Variants in TUSC3 observed in about 807,000 individuals in gnomAD.
The protein encoded by TUSC3 is dolichyl-diphosphooligosaccharide--protein glycosyltransferase subunit TUSC3.
Under a neutral mutation model 44.8 loss-of-function variants are expected in TUSC3, and 45 were observed. That is an observed-to-expected ratio of 1.00 (90% CI 0.79 to 1.29). The LOEUF is 1.29. TUSC3 is among the 50% of genes most tolerant of loss of function. The pLI, the probability that TUSC3 is intolerant of heterozygous loss-of-function variation, is 0.00. For missense variants in TUSC3, 519 were observed against 437.9 expected (o/e 1.19, Z -1.65); for synonymous variants, 212 against 152.9 (o/e 1.39, Z -2.85).
Position 15,540,391 on chromosome 8 carries a change from G to T in TUSC3, c.-40G>T, listed in dbSNP as rs997478706. 2.0e-6 allele frequency: 3 copies of T among 1,517,800 alleles called. No homozygotes were observed. In the African/African-American group the frequency reaches 4.3e-5, roughly 22 times the overall value. The allele number at this position is 1,517,800 out of a possible 1,614,324, so 94.0% of individuals were successfully genotyped here. ...GTGGTGCGCGGTAGGAGCTGGGCGC[G>T]CACGGCTACCGCGCGTGGAGGAGAC... On this transcript the variant is annotated 5_prime_UTR_variant, in exon 1 of 11. Transcript: ENST00000503731.
At chr8:15,638,528 T>C (rs1162430506) in intron 2 of TUSC3, among the ~76,000 whole-genome samples, 5 of 133,162 alleles carry the variant, frequency 3.8e-5, no homozygotes, top group South Asian at 2.5e-4. Flanking sequence ...TTTTTTTTTT[T>C]TTTTTTTTTT....
At chr8:15,575,535 G>C (rs1348330463) in intron 1 of TUSC3, among the ~76,000 whole-genome samples, 3 of 152,156 alleles carry the variant, frequency 2.0e-5, no homozygotes, top group Non-Finnish European at 2.9e-5. Flanking sequence ...GGAGGCCGAG[G>C]TTAGGCAGAT....
At position 15,457,911 on chromosome 8, in the gene TUSC3, TGAA is replaced by T. The variant is rs766836304; in HGVS notation, n.92-25474_92-25472del. On this transcript the variant is annotated intron_variant and non_coding_transcript_variant, in intron 1 of 5. Coordinates refer to the TUSC3 transcript ENST00000503191. ...ATTAATTAATTAGATAATTACTAATTGAATAATAATTAGTACTCCAATGATGAA... is the reference window on the plus strand; with the variant it reads ...ATTAATTAATTAGATAATTACTAATTTAATAATTAGTACTCCAATGATGAA... Among the ~76,000 whole-genome samples, 13 of 150,028 alleles carry T rather than the reference TGAA, an allele frequency of 8.7e-5. No homozygotes were observed. The South Asian group carries it at 2.5e-3, about 29-fold the overall frequency.
chr8:15,755,649 G>A (rs1585307952), intron 9 of TUSC3, among the ~76,000 whole-genome samples: 1 of 151,732 alleles, frequency 6.6e-6, no homozygotes, highest in Non-Finnish European at 1.5e-5. Context: ...AAGACATTGA[G>A]GGCTAAAAGG....
chr8:15,502,817 T>A (rs1554507708), intron 2 of TUSC3, among the ~76,000 whole-genome samples: 2 of 152,228 alleles, frequency 1.3e-5, no homozygotes, highest in Non-Finnish European at 2.9e-5. Context: ...TTTATCAATC[T>A]TTTCTTTATC....
At chr8:15,438,793 A>G (rs1006055581) in intron 1 of TUSC3, among the ~76,000 whole-genome samples, 1 of 152,194 alleles carries the variant, frequency 6.6e-6, no homozygotes, top group African/African-American at 2.4e-5. Flanking sequence ...TGACAATCCT[A>G]GGAGCTAGGC....
intron 6 of TUSC3, among the ~76,000 whole-genome samples, chr8:15,727,060 G>A (rs115409323): frequency 0.01 from 1,584 of 152,158 alleles, 23 homozygotes; most frequent in African/African-American, 0.037. Flanking sequence ...AAATATCAGA[G>A]AGGAAAATAA....
chr8:15,662,975 T>G (rs930763548), intron 5 of TUSC3, among the ~76,000 whole-genome samples: 1 of 151,902 alleles, frequency 6.6e-6, no homozygotes, highest in Non-Finnish European at 1.5e-5. Context: ...CCTGGGATAT[T>G]CAGAGAACTA....
intron 7 of TUSC3, among the ~76,000 whole-genome samples, chr8:15,739,430 T>G (rs1157718451): frequency 6.6e-6 from 1 of 152,166 alleles, no homozygotes; most frequent in Non-Finnish European, 1.5e-5. Flanking sequence ...AATTTTCATG[T>G]TGACTTGGGG....
chr8:15,445,912 C>A, intron 1 of TUSC3, among the ~76,000 whole-genome samples: 1 of 148,752 alleles, frequency 6.7e-6, no homozygotes, highest in African/African-American at 2.5e-5. Context: ...GGCGGAGGCG[C>A]CCCCCACCTT....
At chr8:15,799,435 G>C in the TUSC3 span, among the ~76,000 whole-genome samples, 1 of 152,000 alleles carries the variant, frequency 6.6e-6, no homozygotes, top group Non-Finnish European at 1.5e-5. Flanking sequence ...TCAGTGCACC[G>C]GATTGACCAC....
At chr8:15,611,652 T>A (rs1485002090) in intron 1 of TUSC3, among the ~76,000 whole-genome samples, 2 of 152,178 alleles carry the variant, frequency 1.3e-5, no homozygotes, top group African/African-American at 4.8e-5. Flanking sequence ...CTGATAAAAA[T>A]GGTGTATTTG....
At chr8:15,458,516 G>T (rs1172475074) in intron 1 of TUSC3, among the ~76,000 whole-genome samples, 2 of 152,116 alleles carry the variant, frequency 1.3e-5, no homozygotes, top group African/African-American at 2.4e-5. Flanking sequence ...TGGCCATACA[G>T]GTGGAAGCCA....
intron 6 of TUSC3, among the ~76,000 whole-genome samples, chr8:15,718,317 G>C (rs1810142814): frequency 6.6e-6 from 1 of 152,132 alleles, no homozygotes; most frequent in African/African-American, 2.4e-5. Context: ...GGATTGTAAG[G>C]TAGAGGTGCC....
chr8:15,616,001 T>TA (rs1006807522), intron 1 of TUSC3, among the ~76,000 whole-genome samples: 20 of 151,962 alleles, frequency 1.3e-4, no homozygotes, highest in African/African-American at 3.6e-4. Context: ...CTGGCTCATT[T>TA]AAAAAAAAAT....
intron 2 of TUSC3, among the ~76,000 whole-genome samples, chr8:15,511,839 C>G (rs1382009122): frequency 6.6e-6 from 1 of 151,376 alleles, no homozygotes; most frequent in Non-Finnish European, 1.5e-5. Context: ...CCACTGTACT[C>G]CAGCCTGGGC....
At chr8:15,644,309 T>G (rs1806524019) in intron 2 of TUSC3, among the ~76,000 whole-genome samples, 1 of 152,212 alleles carries the variant, frequency 6.6e-6, no homozygotes, top group Non-Finnish European at 1.5e-5. Flanking sequence ...GCTGCATAAG[T>G]ATATATTAGA....
At chr8:15,513,724 C>A (rs1288781121) in intron 2 of TUSC3, among the ~76,000 whole-genome samples, 3 of 151,968 alleles carry the variant, frequency 2.0e-5, no homozygotes, top group African/African-American at 7.2e-5. Flanking sequence ...ATTTTCGCTT[C>A]CAGTCATAAG....
intron 1 of TUSC3, among the ~76,000 whole-genome samples, chr8:15,576,631 G>T (rs1267334241): frequency 1.4e-5 from 2 of 144,242 alleles, no homozygotes; most frequent in East Asian, 2.3e-4. Flanking sequence ...TCCCTACAAA[G>T]GACACGAACT....
Sources: allele counts gnomAD v4.1 joint callset (sites outside exome capture counted in the v4.1 genomes callset), GRCh38; gene constraint gnomAD v4.1.1; transcripts MANE v1.5; gene names NCBI Gene and HGNC (gene_info 2026-07-23, HGNC 2026-07-21).